The following PSAT1 variants were observed in gnomAD, a reference collection of about 807,000 sequenced individuals.
The protein encoded by PSAT1 is phosphoserine aminotransferase 1.
PSAT1 carries 41 observed loss-of-function variants against 40.3 expected under a neutral mutation model. The ratio of observed to expected loss-of-function variants is 1.02; its 90% CI spans 0.79 to 1.32. The LOEUF is 1.32. Among genes scored for constraint, PSAT1 ranks in the 40% most tolerant of loss-of-function variants. PSAT1 has a pLI of 0.00. For missense variants in PSAT1, 406 were observed against 455.8 expected (o/e 0.89, Z 0.99); for synonymous variants, 147 against 170.5 (o/e 0.86, Z 1.07).
At chr9:78,303,492 T>C (rs1828137559) in intron 3 of PSAT1, among the ~76,000 whole-genome samples, 1 of 152,054 alleles carries the variant, frequency 6.6e-6, no homozygotes, top group Non-Finnish European at 1.5e-5. Flanking sequence ...TTTCTTCTCC[T>C]AACCTGGTTC....
At chr9:78,326,951 A>ATTTTTTTTT (rs1462087681) in intron 7 of PSAT1, among the ~76,000 whole-genome samples, 1 of 84,490 alleles carries the variant, frequency 1.2e-5, no homozygotes, top group African/African-American at 8.0e-5. Context: ...ATATATATAT[A>ATTTTTTTTT]TATATTTTTT....
Position 78,308,490 on chromosome 9 carries a change from T to G in PSAT1, c.647T>G (p.Leu216Arg). 6.2e-7 allele frequency: 1 copy of G among 1,614,010 alleles called. No individual in the cohort carries two copies. Among genetic ancestry groups the G allele is most frequent in the Non-Finnish European group, 8.5e-7 (1 of 1,179,926 alleles). ...ACCGTGGTGATTGTCCGTGATGACC[T>G]GCTGGGGTTTGCCCTCCGAGAGTGC... ...GVTVVIVRDD[L>R]LGFALRECPS... Residue 216 changes from leucine to arginine, a missense_variant, in exon 6 of 9, where the codon CTG becomes CGG. Leu to Arg is a moderately radical substitution (Grantham distance 102). Coordinates refer to ENST00000376588, the MANE Select transcript of PSAT1 (RefSeq NM_058179.4).
chr9:78,304,127 C>T (rs1207455457), intron 3 of PSAT1, among the ~76,000 whole-genome samples: 1 of 152,190 alleles, frequency 6.6e-6, no homozygotes, highest in Non-Finnish European at 1.5e-5. Flanking sequence ...CCCCAACTCA[C>T]TGGCTTAAGT....
rs1331476854 is a variant in PSAT1, at chr9:78,329,801, C to T, written c.*715C>T. On this transcript the variant is annotated 3_prime_UTR_variant, in exon 9 of 9. Transcript: ENST00000376588. ...GCAAGAGTTGTACCCCCTCCCCAGTCTTCGCCTTCCTCTTTTTAAGCTGTT... is the reference window on the plus strand; with the variant it reads ...GCAAGAGTTGTACCCCCTCCCCAGTTTTCGCCTTCCTCTTTTTAAGCTGTT... 6.6e-6 allele frequency: 1 copy of T among 152,194 alleles called. No individual in the cohort carries two copies. Among genetic ancestry groups the T allele is most frequent in the Admixed American group, 6.6e-5 (1 of 15,264 alleles). The allele number at this position is 152,194 out of a possible 1,614,324, so 9.4% of individuals were successfully genotyped here. A position where few individuals can be genotyped will look rare whatever the true frequency, so the allele number is the denominator to read the frequency against.
At chr9:78,309,090 C>T (rs1393992526) in intron 6 of PSAT1, among the ~76,000 whole-genome samples, 1 of 152,238 alleles carries the variant, frequency 6.6e-6, no homozygotes, top group Non-Finnish European at 1.5e-5. Context: ...TCCCTCTGCA[C>T]CATCTCTTTA....
At chr9:78,324,647 T>C (rs993032301) in intron 7 of PSAT1, among the ~76,000 whole-genome samples, 1 of 152,184 alleles carries the variant, frequency 6.6e-6, no homozygotes, top group Admixed American at 6.5e-5. Context: ...TGAGCCAATA[T>C]TGGGCTCTTG....
intron 1 of PSAT1, 141 bp downstream of exon 1, chr9:78,297,411 G>T: frequency 9.8e-7 from 1 of 1,017,254 alleles, no homozygotes; most frequent in Non-Finnish European, 1.5e-6. Context: ...CGTGCACAGC[G>T]GGATCAGCAG....
intron 6 of PSAT1, among the ~76,000 whole-genome samples, chr9:78,316,785 A>T (rs1191554397): frequency 6.6e-6 from 1 of 151,966 alleles, no homozygotes; most frequent in African/African-American, 2.4e-5. Context: ...TGGGAGGGGG[A>T]GCCCGTCCTT....
chr9:78,325,342 AAC>A (rs1404144750), intron 7 of PSAT1, among the ~76,000 whole-genome samples: 19 of 152,252 alleles, frequency 1.2e-4, no homozygotes, highest in East Asian at 1.9e-4. Flanking sequence ...ATTTTTCTAA[AAC>A]ACAGACCGCA....
At chr9:78,300,690 T>C (rs752063667) in intron 2 of PSAT1, 28 bp downstream of exon 2, 12 of 1,566,424 alleles carry the variant, frequency 7.7e-6, no homozygotes, top group Middle Eastern at 2.3e-4. Flanking sequence ...ATTCTGTGAA[T>C]GTCCATGTTT....
rs1828369189 is a variant in PSAT1 at position 78,317,734 on chromosome 9, A to G, written c.799A>G (p.Met267Val). Residue 267 changes from methionine to valine, a missense_variant, in exon 7 of 9, where the codon ATG becomes GTG. Transcript: ENST00000376588. The part of the protein sequence containing the change: ...WIKNNGGAAA[M>V]EKLSSIKSQT... Reference sequence around the variant, plus strand: ...TAAAAACAATGGAGGTGCCGCGGCCATGGAGAAGCTTAGCTCCATCAAATC... The same window carrying G: ...TAAAAACAATGGAGGTGCCGCGGCCGTGGAGAAGCTTAGCTCCATCAAATC... 1 of 1,613,830 alleles carries G rather than the reference A, an allele frequency of 6.2e-7. No individual in the cohort carries two copies. The highest frequency in any genetic ancestry group is 8.5e-7 in the Non-Finnish European group (1 of 1,179,784).
At position 78,300,747 on chromosome 9, in the gene PSAT1, G is replaced by A. The variant is rs527680428; in HGVS notation, c.121+85G>A. On this transcript the variant is annotated intron_variant, in intron 2 of 8. Transcript: ENST00000376588. ...TTTTTTTTTTTAGAGGCAGGGTCCT[G>A]CTCTGTCACCCAGGCTGGAGTACAG... The A allele has an allele frequency of 1.7e-4, 237 of 1,418,748 alleles. 1 individual carries two copies. The African/African-American group carries it at 3.2e-3, about 19-fold the overall frequency. The allele number at this position is 1,418,748 out of a possible 1,614,324, so 87.9% of individuals were successfully genotyped here. A position where few individuals can be genotyped will look rare whatever the true frequency, so the allele number is the denominator to read the frequency against.
chr9:78,312,936 C>T (rs749136117), intron 6 of PSAT1, among the ~76,000 whole-genome samples: 1 of 152,164 alleles, frequency 6.6e-6, no homozygotes, highest in South Asian at 2.1e-4. Flanking sequence ...GCCATAACAT[C>T]AACTTCAGAA....
At chr9:78,304,139 A>C (rs1386132324) in intron 3 of PSAT1, among the ~76,000 whole-genome samples, 1 of 152,200 alleles carries the variant, frequency 6.6e-6, no homozygotes, top group Non-Finnish European at 1.5e-5. Context: ...GGCTTAAGTA[A>C]AAAAGAAATG....
chr9:78,304,517 A>G (rs942134610), intron 3 of PSAT1, among the ~76,000 whole-genome samples: 1 of 152,194 alleles, frequency 6.6e-6, no homozygotes, highest in Non-Finnish European at 1.5e-5. Flanking sequence ...CTTCAGGTCA[A>G]ACAGTAACCC....
At chr9:78,318,546 A>G (rs1476288231) in intron 7 of PSAT1, among the ~76,000 whole-genome samples, 1 of 152,124 alleles carries the variant, frequency 6.6e-6, no homozygotes. Flanking sequence ...CCCTCCAGAG[A>G]GCCATGCCTT....
At chr9:78,313,679 C>G (rs1479852003) in intron 6 of PSAT1, among the ~76,000 whole-genome samples, 2 of 152,142 alleles carry the variant, frequency 1.3e-5, no homozygotes, top group Non-Finnish European at 2.9e-5. Context: ...GGGTCTTGCT[C>G]TGTTGTGCAG....
rs1023014230 is a variant in PSAT1 at position 78,301,309 on chromosome 9, A to G, written c.122-645A>G. On this transcript the variant is annotated intron_variant, in intron 2 of 8. Coordinates refer to ENST00000376588, the MANE Select transcript of PSAT1 (RefSeq NM_058179.4). ...CCAAACATTTATAATATTGCTTTAC[A>G]TTCAATTTACAGTTTTTATTATACT... 2.6e-5 allele frequency among the ~76,000 whole-genome samples: 4 copies of G among 152,324 alleles called. No homozygotes were observed. The South Asian group carries it at 8.3e-4, about 32-fold the overall frequency.
chr9:78,328,222 G>T (rs1317545663), intron 8 of PSAT1, 34 bp downstream of exon 8: 11 of 1,613,656 alleles, frequency 6.8e-6, no homozygotes, highest in South Asian at 1.1e-5. Flanking sequence ...GCTTGGCAAA[G>T]AATTAGCTTA....
Sources: allele counts gnomAD v4.1 joint callset (sites outside exome capture counted in the v4.1 genomes callset), GRCh38; gene constraint gnomAD v4.1.1; transcripts MANE v1.5; gene names NCBI Gene and HGNC (gene_info 2026-07-23, HGNC 2026-07-21).